ZNF148: variants seen among roughly 807,000 people sequenced by gnomAD.
ZNF148 encodes zinc finger protein 148.
ZNF148 carries 7 observed loss-of-function variants against 67.7 expected under a neutral mutation model. The observed-to-expected ratio is 0.10, with a 90% CI of 0.06 to 0.19. The LOEUF (loss-of-function observed/expected upper bound fraction) is 0.19, where lower values mean the gene tolerates loss of function less well. ZNF148 is among the 10% of genes least tolerant of loss of function. ZNF148 has a pLI of 1.00. For missense variants in ZNF148, 583 were observed against 947.1 expected (o/e 0.62, Z 5.05); for synonymous variants, 333 against 330.7 (o/e 1.01, Z -0.08).
chr3:125,293,697 C>T (rs1342907847), intron 4 of ZNF148, among the ~76,000 whole-genome samples: 2 of 152,066 alleles, frequency 1.3e-5, no homozygotes, highest in African/African-American at 2.4e-5. Context: ...GAATAAAATG[C>T]ATATCCACAG....
chr3:125,283,390 TA>T (rs1469132381), intron 5 of ZNF148, among the ~76,000 whole-genome samples: 4 of 152,134 alleles, frequency 2.6e-5, no homozygotes, highest in Admixed American at 2.6e-4. Context: ...GCACAACAAC[TA>T]TGTTCAGCAA....
rs200643048 is a variant in ZNF148 at position 125,330,465 on chromosome 3, C to CAAA, written c.-153+690_-153+692dup. On this transcript the variant is annotated intron_variant, in intron 2 of 8. Transcript: ENST00000360647. ...TGGGCAACAGGGCAAAACCCTATCT[C>CAAA]AAAAAAAAAAAAAAAAAAAAAAAAA... Among the ~76,000 whole-genome samples the CAAA allele has an allele frequency of 4.0e-4, 47 of 118,478 alleles. 2 individuals carry two copies. The highest frequency in any genetic ancestry group is 1.6e-3 in the African/African-American group (39 of 24,280). The allele number at this position is 118,478 out of a possible 152,430, so 77.7% of individuals were successfully genotyped here.
chr3:125,272,329 G>A (rs928198218), intron 7 of ZNF148, among the ~76,000 whole-genome samples: 2 of 152,154 alleles, frequency 1.3e-5, no homozygotes, highest in African/African-American at 4.8e-5. Flanking sequence ...CTTCAACCAA[G>A]TCTCAATTTG....
intron 2 of ZNF148, among the ~76,000 whole-genome samples, chr3:125,329,699 T>C (rs920638973): frequency 1.3e-5 from 2 of 151,912 alleles, no homozygotes; most frequent in African/African-American, 2.4e-5. Context: ...CCCAAGAATA[T>C]TCACTACATC....
intron 4 of ZNF148, chr3:125,292,699 G>A (rs1939079180): frequency 6.6e-6 from 1 of 152,202 alleles, no homozygotes; most frequent in Admixed American, 6.5e-5. Flanking sequence ...TGAGAAAAAG[G>A]TCAGGGTAAT....
chr3:125,366,459 T>C (rs910409682), intron 1 of ZNF148, among the ~76,000 whole-genome samples: 4 of 152,192 alleles, frequency 2.6e-5, no homozygotes, highest in Admixed American at 6.5e-5. Flanking sequence ...AAACTATAGA[T>C]TGTGATTAAT....
intron 4 of ZNF148, among the ~76,000 whole-genome samples, chr3:125,305,737 C>T (rs1013094485): frequency 4.7e-5 from 7 of 148,786 alleles, no homozygotes; most frequent in Non-Finnish European, 8.9e-5. Context: ...TACTTGAGCT[C>T]AGGAGGTGAA....
chr3:125,324,249 T>C (rs904434070), intron 2 of ZNF148, among the ~76,000 whole-genome samples: 1 of 151,696 alleles, frequency 6.6e-6, no homozygotes, highest in African/African-American at 2.4e-5. Context: ...GTCTATGAAG[T>C]GAAGAGAGAA....
intron 2 of ZNF148, among the ~76,000 whole-genome samples, chr3:125,329,650 G>A (rs758323354): frequency 7.9e-5 from 12 of 151,492 alleles, no homozygotes; most frequent in South Asian, 2.1e-4. Flanking sequence ...GAGCGATCGC[G>A]CCTAGCCAGA....
chr3:125,248,884 G>T (rs935873378), intron 7 of ZNF148, among the ~76,000 whole-genome samples: 2 of 152,176 alleles, frequency 1.3e-5, no homozygotes, highest in Non-Finnish European at 2.9e-5. Flanking sequence ...CCAGGAACAC[G>T]AAGTGTTCTG....
chr3:125,267,572 C>T (rs1459256356), intron 7 of ZNF148, among the ~76,000 whole-genome samples: 1 of 137,584 alleles, frequency 7.3e-6, no homozygotes. Flanking sequence ...ATCAAAGGAA[C>T]ATACCTCACA....
chr3:125,371,392 C>T (rs1214954347), intron 1 of ZNF148, among the ~76,000 whole-genome samples: 1 of 123,770 alleles, frequency 8.1e-6, no homozygotes, highest in Admixed American at 9.1e-5. Context: ...GGGGGCAGGG[C>T]GAAGTGGCTC....
Position 125,258,204 on chromosome 3 carries a change from T to C in ZNF148, c.667+19522A>G, listed in dbSNP as rs1433480541. Reference sequence around the variant, plus strand: ...TTGGGAGGCCAAGGTGGGCGGATCATGAGGTCAGGAGATCGAAACCATCCT... The same window carrying C: ...TTGGGAGGCCAAGGTGGGCGGATCACGAGGTCAGGAGATCGAAACCATCCT... On this transcript the variant is annotated intron_variant, in intron 7 of 8. Transcript: ENST00000360647. 4.6e-5 allele frequency among the ~76,000 whole-genome samples: 7 copies of C among 151,770 alleles called. No homozygotes were observed. In the South Asian group the frequency reaches 8.3e-4, roughly 18 times the overall value.
intron 4 of ZNF148, among the ~76,000 whole-genome samples, chr3:125,299,745 C>G (rs964924629): frequency 1.9e-4 from 29 of 152,140 alleles, no homozygotes; most frequent in African/African-American, 7.0e-4. Flanking sequence ...AAACACGACT[C>G]TCACCAGGAA....
intron 4 of ZNF148, among the ~76,000 whole-genome samples, chr3:125,307,012 T>C (rs1413915066): frequency 3.3e-5 from 5 of 151,542 alleles, no homozygotes; most frequent in Admixed American, 3.3e-4. Context: ...TCCTAACCCA[T>C]TTACAATGAG....
At chr3:125,320,016 T>G (rs1050897402) in intron 3 of ZNF148, among the ~76,000 whole-genome samples, 1 of 152,208 alleles carries the variant, frequency 6.6e-6, no homozygotes, top group Admixed American at 6.5e-5. Context: ...GGGAGAACTT[T>G]CCGACACAGA....
At chr3:125,272,001 T>C (rs1937767493) in intron 7 of ZNF148, among the ~76,000 whole-genome samples, 1 of 152,238 alleles carries the variant, frequency 6.6e-6, no homozygotes, top group Admixed American at 6.5e-5. Context: ...CCAGCTTCCT[T>C]CAGTACACTG....
intron 3 of ZNF148, among the ~76,000 whole-genome samples, chr3:125,315,793 G>C (rs542308651): frequency 1.3e-5 from 2 of 151,674 alleles, no homozygotes; most frequent in South Asian, 2.1e-4. Context: ...ATACAAGCAC[G>C]CAACGTGAAA....
At chr3:125,305,648 C>T (rs1489501573) in intron 4 of ZNF148, among the ~76,000 whole-genome samples, 1 of 151,774 alleles carries the variant, frequency 6.6e-6, no homozygotes. Flanking sequence ...TCTGTCTCTA[C>T]AAAAAAATTT....
Sources: gnomAD v4.1 joint callset for allele counts (sites outside exome capture counted in the v4.1 genomes callset) on GRCh38, gnomAD v4.1.1 for gene constraint, MANE v1.5 for transcripts, NCBI Gene and HGNC (gene_info 2026-07-23, HGNC 2026-07-21) for gene names.